Variants in SUMF1 observed in about 807,000 individuals in gnomAD.
SUMF1 encodes the protein formylglycine-generating enzyme.
In SUMF1, 48 loss-of-function variants were observed where a neutral mutation model predicts 47.6. That is an observed-to-expected ratio of 1.01 (90% CI 0.80 to 1.28). The LOEUF is 1.28. Ranked by LOEUF, SUMF1 falls within the 50% of genes most tolerant of loss-of-function variation. SUMF1 has a pLI of 0.00. For missense variants in SUMF1, 571 were observed against 485.4 expected (o/e 1.18, Z -1.66); for synonymous variants, 230 against 192.1 (o/e 1.20, Z -1.63).
chr3:4,051,129 GAA>G (rs61131769), intron 9 of SUMF1, among the ~76,000 whole-genome samples: 11 of 140,328 alleles, frequency 7.8e-5, no homozygotes, highest in African/African-American at 2.7e-4. Context: ...GCAAAAAAAA[GAA>G]AAAAAAAAAG....
chr3:4,294,913 T>A (rs1232518770), intron 8 of SUMF1, among the ~76,000 whole-genome samples: 2 of 152,264 alleles, frequency 1.3e-5, no homozygotes, highest in Non-Finnish European at 2.9e-5. Flanking sequence ...GTTTCCACAG[T>A]CCTCTTCAAT....
chr3:4,344,674 T>C (rs548701772), intron 8 of SUMF1, among the ~76,000 whole-genome samples: 15 of 152,204 alleles, frequency 9.9e-5, no homozygotes, highest in African/African-American at 3.6e-4. Context: ...CAGAACTGAA[T>C]GGAGGATCAG....
intron 3 of SUMF1, among the ~76,000 whole-genome samples, chr3:4,434,899 G>A (rs1273707382): frequency 6.6e-6 from 1 of 152,106 alleles, no homozygotes. Context: ...ACCCCAAGAT[G>A]ACCCAGAAGT....
At chr3:4,166,897 C>T (rs756207341) in intron 8 of SUMF1, among the ~76,000 whole-genome samples, 11 of 151,990 alleles carry the variant, frequency 7.2e-5, no homozygotes, top group Non-Finnish European at 1.0e-4. Flanking sequence ...GGTTAGAGAG[C>T]CCTTTCCCAG....
chr3:4,130,871 G>C (rs1457659243), intron 8 of SUMF1, among the ~76,000 whole-genome samples: 2 of 152,100 alleles, frequency 1.3e-5, no homozygotes, highest in Non-Finnish European at 2.9e-5. Context: ...ACAGGTCCAG[G>C]CTGGTTTGCA....
chr3:4,371,104 A>G (rs949482474), intron 8 of SUMF1, among the ~76,000 whole-genome samples: 5 of 152,362 alleles, frequency 3.3e-5, no homozygotes, highest in African/African-American at 1.2e-4. Flanking sequence ...TTAAATTCCA[A>G]CTAATAAAGC....
intron 8 of SUMF1, among the ~76,000 whole-genome samples, chr3:4,207,809 C>A (rs1370160842): frequency 6.6e-6 from 1 of 152,138 alleles, no homozygotes; most frequent in East Asian, 1.9e-4. Flanking sequence ...CCACAACTTA[C>A]TAGAACAGAA....
chr3:4,246,493 C>A lies in SUMF1; in HGVS notation c.1014+129837G>T, dbSNP rs562418486. Among the ~76,000 whole-genome samples the A allele has an allele frequency of 9.9e-5, 15 of 152,192 alleles. No individual in the cohort carries two copies. In the South Asian group the frequency reaches 3.1e-3, roughly 32 times the overall value. ...CTCGGCTCACCATAACCTCTGCCTC[C>A]CAGGTTCAAGTGATTCTCCTGTCTC... On this transcript the variant is annotated intron_variant and NMD_transcript_variant, in intron 8 of 12. Transcript: ENST00000448413.
At chr3:4,278,113 C>T (rs6779236) in intron 8 of SUMF1, among the ~76,000 whole-genome samples, 1 of 151,882 alleles carries the variant, frequency 6.6e-6, no homozygotes, top group African/African-American at 2.4e-5. Context: ...ATTTTTGGCA[C>T]GTTTATTTTC....
chr3:4,343,011 A>G (rs1280222718), intron 8 of SUMF1, among the ~76,000 whole-genome samples: 2 of 152,230 alleles, frequency 1.3e-5, no homozygotes, highest in Non-Finnish European at 2.9e-5. Flanking sequence ...CTTTAAAAGT[A>G]TATAATCTCC....
intron 8 of SUMF1, among the ~76,000 whole-genome samples, chr3:4,122,781 G>T (rs139506411): frequency 6.6e-6 from 1 of 152,160 alleles, no homozygotes; most frequent in African/African-American, 2.4e-5. Flanking sequence ...AGGTTGAAAG[G>T]GAAAACTGCC....
chr3:4,440,651 T>C (rs1337934566), intron 3 of SUMF1, among the ~76,000 whole-genome samples: 3 of 152,224 alleles, frequency 2.0e-5, no homozygotes, highest in Non-Finnish European at 4.4e-5. Flanking sequence ...GCCTAGAAAT[T>C]AGTTTTTACT....
intron 8 of SUMF1, among the ~76,000 whole-genome samples, chr3:4,348,509 C>T (rs1416024479): frequency 6.6e-6 from 1 of 152,138 alleles, no homozygotes; most frequent in African/African-American, 2.4e-5. Flanking sequence ...CTTCCTTACA[C>T]CTTGTACAAA....
At chr3:4,068,731 A>C in exon 9 of SUMF1, 1 of 431,724 alleles carries the variant, frequency 2.3e-6, no homozygotes, top group Non-Finnish European at 4.6e-6. Flanking sequence ...AATAGGGATC[A>C]TAGTACTCTT....
At chr3:4,076,336 A>C (rs1482281864) in intron 8 of SUMF1, among the ~76,000 whole-genome samples, 1 of 152,122 alleles carries the variant, frequency 6.6e-6, no homozygotes, top group Non-Finnish European at 1.5e-5. Context: ...CTTATACAAA[A>C]ATTAACTGAA....
chr3:4,086,437 G>A (rs943429755), intron 8 of SUMF1, among the ~76,000 whole-genome samples: 3 of 151,976 alleles, frequency 2.0e-5, no homozygotes, highest in Admixed American at 6.6e-5. Context: ...GGACAGCTGT[G>A]TACTACAACA....
At chr3:4,377,357 G>A (rs1407455110) in intron 7 of SUMF1, among the ~76,000 whole-genome samples, 2 of 151,652 alleles carry the variant, frequency 1.3e-5, no homozygotes, top group East Asian at 1.9e-4. Context: ...ACACATATAC[G>A]TACTATGAAC....
intron 3 of SUMF1, among the ~76,000 whole-genome samples, chr3:4,438,462 T>A (rs1025946261): frequency 2.0e-5 from 3 of 152,088 alleles, no homozygotes; most frequent in Non-Finnish European, 4.4e-5. Context: ...TGATATCTGA[T>A]CAAACTCCTC....
chr3:4,329,575 G>A (rs1699009900), intron 8 of SUMF1, among the ~76,000 whole-genome samples: 1 of 152,202 alleles, frequency 6.6e-6, no homozygotes, highest in African/African-American at 2.4e-5. Flanking sequence ...GCACACAGCA[G>A]CAAGGCCCTG....
Sources: gnomAD v4.1 joint callset for allele counts (sites outside exome capture counted in the v4.1 genomes callset) on GRCh38, gnomAD v4.1.1 for gene constraint, MANE v1.5 for transcripts, NCBI Gene and HGNC (gene_info 2026-07-23, HGNC 2026-07-21) for gene names.